The following KCNJ15 variants were observed in gnomAD, a reference collection of about 807,000 sequenced individuals.
KCNJ15 encodes the protein potassium inwardly rectifying channel subfamily J member 15.
In KCNJ15, 14 loss-of-function variants were observed where a neutral mutation model predicts 23.0. The observed-to-expected ratio is 0.61, with a 90% CI of 0.40 to 0.95. The LOEUF is 0.95. Among genes scored for constraint, KCNJ15 ranks in the 40% least tolerant of loss-of-function variants. The pLI is 0.00. For synonymous variants in KCNJ15, 185 were observed against 183.2 expected (o/e 1.01, Z -0.08); for missense variants, 388 against 461.8 (o/e 0.84, Z 1.46).
intron 1 of KCNJ15, among the ~76,000 whole-genome samples, chr21:38,240,236 T>A (rs1017682588): frequency 6.6e-6 from 1 of 152,186 alleles, no homozygotes; most frequent in African/African-American, 2.4e-5. Context: ...CATCTTGACC[T>A]CTAGACTTTT....
At chr21:38,230,659 G>T (rs1419439487) in intron 1 of KCNJ15, among the ~76,000 whole-genome samples, 1 of 151,736 alleles carries the variant, frequency 6.6e-6, no homozygotes, top group Non-Finnish European at 1.5e-5. Flanking sequence ...CATAGATTTA[G>T]CTCTTCTATT....
chr21:38,277,095 G>GA lies in KCNJ15; in HGVS notation c.-116-19821dup, dbSNP rs1184226737. Among the ~76,000 whole-genome samples, 206 of 141,548 alleles carry GA rather than the reference G, an allele frequency of 1.5e-3. 2 individuals are homozygous for GA. The highest frequency in any genetic ancestry group is 2.2e-3 in the South Asian group (10 of 4,460). 92.9% of individuals were successfully genotyped at this position (141,548 alleles called of 152,430 possible). A position where few individuals can be genotyped will look rare whatever the true frequency, so the allele number is the denominator to read the frequency against. The stretch of plus-strand genomic sequence containing the variant: ...ATACATCAATAGTAGCACCAAAAAA[G>GA]AAAAAAAAAAGGAAAGAAACTAGGT... On this transcript the variant is annotated intron_variant, in intron 1 of 2. Coordinates refer to ENST00000398938, the MANE Select transcript of KCNJ15 (RefSeq NM_170736.3).
intron 1 of KCNJ15, among the ~76,000 whole-genome samples, chr21:38,230,757 G>A (rs772120675): frequency 2.6e-5 from 4 of 151,806 alleles, no homozygotes; most frequent in Non-Finnish European, 4.4e-5. Flanking sequence ...TTACTTTTGG[G>A]CTTTCAATTT....
intron 1 of KCNJ15, chr21:38,272,376 T>G (rs1271184205): frequency 6.6e-6 from 1 of 152,424 alleles, no homozygotes; most frequent in Non-Finnish European, 1.5e-5. Flanking sequence ...GCTCAGCTTC[T>G]GCAAGCTGGG....
intron 1 of KCNJ15, among the ~76,000 whole-genome samples, chr21:38,296,270 AATAG>A (rs1467311007): frequency 1.5e-5 from 2 of 131,728 alleles, no homozygotes; most frequent in East Asian, 4.5e-4. Context: ...ATTGATAGAT[AATAG>A]ATTGATAGAA....
At chr21:38,273,970 T>G (rs1207641294) in intron 1 of KCNJ15, among the ~76,000 whole-genome samples, 1 of 152,238 alleles carries the variant, frequency 6.6e-6, no homozygotes, top group African/African-American at 2.4e-5. Context: ...CTGTATGGAT[T>G]CCACGAGTTG....
At chr21:38,282,575 C>A (rs1459304537) in intron 1 of KCNJ15, among the ~76,000 whole-genome samples, 8 of 152,164 alleles carry the variant, frequency 5.3e-5, no homozygotes, top group African/African-American at 1.9e-4. Flanking sequence ...TTCACCCGAA[C>A]AATGTGCCTA....
intron 1 of KCNJ15, among the ~76,000 whole-genome samples, chr21:38,290,798 A>T (rs922956714): frequency 6.6e-6 from 1 of 152,116 alleles, no homozygotes; most frequent in East Asian, 1.9e-4. Flanking sequence ...ATAGAGTGTG[A>T]CCACGAAGAG....
Position 38,289,978 on chromosome 21 carries a change from G to A in KCNJ15, c.-116-6948G>A, listed in dbSNP as rs527597355. Among the ~76,000 whole-genome samples, 236 of 152,310 alleles carry A rather than the reference G, an allele frequency of 1.5e-3. 3 individuals carry two copies. The highest frequency in any genetic ancestry group is 2.7e-3 in the Non-Finnish European group (182 of 68,034). On this transcript the variant is annotated intron_variant, in intron 1 of 2. Coordinates refer to ENST00000398938, the MANE Select transcript of KCNJ15 (RefSeq NM_170736.3). Reference sequence around the variant, plus strand: ...CACAGGAAATTTCCATTTGCCCTCCGCTGCGGCACTCTCACTCTATAGGGA... The same window carrying A: ...CACAGGAAATTTCCATTTGCCCTCCACTGCGGCACTCTCACTCTATAGGGA...
chr21:38,268,226 T>A (rs1406193218), intron 1 of KCNJ15, among the ~76,000 whole-genome samples: 1 of 152,176 alleles, frequency 6.6e-6, no homozygotes, highest in Non-Finnish European at 1.5e-5. Context: ...ACAAAGATAG[T>A]AATAATGAAA....
chr21:38,283,146 C>T (rs547894386), intron 1 of KCNJ15, among the ~76,000 whole-genome samples: 33 of 151,844 alleles, frequency 2.2e-4, no homozygotes, highest in African/African-American at 7.5e-4. Context: ...TTGGAAATAT[C>T]TCTGAGAGTA....
chr21:38,274,545 C>G (rs1440925476), intron 1 of KCNJ15, among the ~76,000 whole-genome samples: 1 of 152,192 alleles, frequency 6.6e-6, no homozygotes, highest in Non-Finnish European at 1.5e-5. Flanking sequence ...TCCCCTGTGT[C>G]TAGTATAGTC....
In KCNJ15 at chr21:38,241,191, C is replaced by T. The variant is rs78004289; in HGVS notation, c.-398-15855C>T. On this transcript the variant is annotated intron_variant, in intron 1 of 4. Coordinates refer to the KCNJ15 transcript ENST00000547341. ...TCTTTACTGTGGTTTTCCTGCCAGG[C>T]GGGGAGCCCTGTGTCACACAGGGTG... 4.1e-3 allele frequency among the ~76,000 whole-genome samples: 620 copies of T among 152,282 alleles called. 6 individuals carry two copies. The highest frequency in any genetic ancestry group is 0.014 in the African/African-American group (566 of 41,548).
At chr21:38,258,984 A>G (rs1281498311) in intron 1 of KCNJ15, among the ~76,000 whole-genome samples, 1 of 151,984 alleles carries the variant, frequency 6.6e-6, no homozygotes, top group African/African-American at 2.4e-5. Context: ...AAATCTCGAA[A>G]GGGCTGTGCT....
intron 1 of KCNJ15, among the ~76,000 whole-genome samples, chr21:38,261,688 G>A (rs1980916650): frequency 6.6e-6 from 1 of 152,182 alleles, no homozygotes; most frequent in African/African-American, 2.4e-5. Flanking sequence ...TGCTATCAAA[G>A]CTGCTTTTCC....
Position 38,299,976 on chromosome 21 carries a change from G to A in KCNJ15, c.715G>A (p.Val239Met), listed in dbSNP as rs1985596639. The A allele has an allele frequency of 1.2e-6, 2 of 1,613,976 alleles. No individual in the cohort carries two copies. The highest frequency in any genetic ancestry group is 1.7e-6 in the Non-Finnish European group (2 of 1,180,002). Reference protein sequence around the residue: ...LLNQATVKFHVDSSSESPFLI... With the variant: ...LLNQATVKFHMDSSSESPFLI... Reference sequence around the variant, plus strand: ...CAACCAAGCCACTGTCAAATTCCACGTGGACTCCTCCTCTGAGAGCCCCTT... The same window carrying A: ...CAACCAAGCCACTGTCAAATTCCACATGGACTCCTCCTCTGAGAGCCCCTT... The change falls in exon 3 of 3, where the codon GTG becomes ATG. Residue 239 changes from valine to methionine, a missense_variant. Physicochemically the swap from Val to Met is conservative, Grantham distance 21. Transcript: ENST00000398938. The surrounding 1 kb of genome is among the most constrained non-coding windows in gnomAD (Gnocchi z 4.5).
intron 1 of KCNJ15, among the ~76,000 whole-genome samples, chr21:38,231,915 A>G (rs746957103): frequency 2.0e-5 from 3 of 151,840 alleles, no homozygotes; most frequent in Non-Finnish European, 4.4e-5. Flanking sequence ...TAATAGATGT[A>G]GGTCTGGTTT....
chr21:38,247,129 C>CATGG (rs1393284410), intron 1 of KCNJ15, among the ~76,000 whole-genome samples: 15 of 65,602 alleles, frequency 2.3e-4, no homozygotes, highest in Non-Finnish European at 3.5e-4. Context: ...TGGATGGATG[C>CATGG]ATGGATGGAT....
chr21:38,293,495 A>G (rs1272587379), intron 1 of KCNJ15, among the ~76,000 whole-genome samples: 1 of 152,210 alleles, frequency 6.6e-6, no homozygotes, highest in African/African-American at 2.4e-5. Flanking sequence ...TGGGAGCAAC[A>G]TACATCAACC....
Sources: allele counts gnomAD v4.1 joint callset (sites outside exome capture counted in the v4.1 genomes callset), GRCh38; gene constraint gnomAD v4.1.1; non-coding constraint Gnocchi (gnomAD v3.1); transcripts MANE v1.5; gene names NCBI Gene and HGNC (gene_info 2026-07-23, HGNC 2026-07-21).